Variants in PARP11 observed in about 807,000 individuals in gnomAD.
The protein encoded by PARP11 is protein mono-ADP-ribosyltransferase PARP11.
Under a neutral mutation model 42.9 loss-of-function variants are expected in PARP11, and 31 were observed. The observed-to-expected ratio is 0.72, with a 90% CI of 0.54 to 0.98. PARP11 has a LOEUF of 0.98. PARP11 is among the 50% of genes least tolerant of loss of function. The pLI, the probability that PARP11 is intolerant of heterozygous loss-of-function variation, is 0.00. For missense variants in PARP11, 365 were observed against 413.1 expected (o/e 0.88, Z 1.01); for synonymous variants, 137 against 127.3 (o/e 1.08, Z -0.51).
chr12:3,843,152 T>C (rs1473664634), intron 1 of PARP11, among the ~76,000 whole-genome samples: 1 of 152,228 alleles, frequency 6.6e-6, no homozygotes, highest in African/African-American at 2.4e-5. Flanking sequence ...ATGTTGTATA[T>C]AGTTCTTTTA....
intron 3 of PARP11, among the ~76,000 whole-genome samples, chr12:3,827,664 TA>T (rs899376268): frequency 8.1e-5 from 12 of 147,930 alleles, no homozygotes; most frequent in Admixed American, 2.0e-4. Context: ...TCTTGATAAT[TA>T]AAAAAAAAAG....
chr12:3,873,194 T>C lies in PARP11; in HGVS notation c.18+18A>G. 6.7e-7 allele frequency: 1 copy of C among 1,486,586 alleles called. No homozygotes were observed. The highest frequency in any genetic ancestry group is 9.1e-7 in the Non-Finnish European group (1 of 1,093,378). 92.1% of individuals were successfully genotyped at this position (1,486,586 alleles called of 1,614,324 possible). Reference sequence around the variant, plus strand: ...AACCCCGCCCCCTGGGCCCGCCCCGTCCCGCCCGGCTACTCACTGGATTCG... The same window carrying C: ...AACCCCGCCCCCTGGGCCCGCCCCGCCCCGCCCGGCTACTCACTGGATTCG... On this transcript the variant is annotated intron_variant, in intron 1 of 7. Coordinates refer to ENST00000228820, the MANE Select transcript of PARP11 (RefSeq NM_020367.6).
intron 1 of PARP11, chr12:3,832,100 A>T (rs3809254): frequency 1.0e-6 from 1 of 958,118 alleles, no homozygotes; most frequent in Non-Finnish European, 1.2e-6. Context: ...GTGCTCCGCT[A>T]TAAAACACCT....
intron 1 of PARP11, among the ~76,000 whole-genome samples, chr12:3,849,146 A>G (rs915685835): frequency 1.3e-5 from 2 of 152,130 alleles, no homozygotes; most frequent in African/African-American, 4.8e-5. Flanking sequence ...GCTTTTATAA[A>G]AAGACAAAGA....
At chr12:3,841,054 T>G (rs550504745) in intron 1 of PARP11, 1 of 1,594,504 alleles carries the variant, frequency 6.3e-7, no homozygotes, top group South Asian at 1.1e-5. Flanking sequence ...TGGACCTGAT[T>G]CTGCTGTATC....
chr12:3,822,468 G>A (rs978265820), intron 4 of PARP11, among the ~76,000 whole-genome samples: 13 of 145,494 alleles, frequency 8.9e-5, no homozygotes, highest in Admixed American at 1.4e-4. Flanking sequence ...GCGTGGGGGC[G>A]GGCGCCTGTA....
chr12:3,844,081 A>G (rs1303067553), intron 1 of PARP11, among the ~76,000 whole-genome samples: 1 of 152,216 alleles, frequency 6.6e-6, no homozygotes, highest in Non-Finnish European at 1.5e-5. Context: ...GGGCTCAGTG[A>G]ATCGCCACTG....
intron 6 of PARP11, among the ~76,000 whole-genome samples, chr12:3,820,215 T>C (rs531537829): frequency 1.5e-4 from 23 of 152,310 alleles, no homozygotes; most frequent in African/African-American, 5.3e-4. Context: ...ACATTTTTGT[T>C]AGAAGAAGTG....
At position 3,840,097 on chromosome 12, in the gene PARP11, G is replaced by A. The variant is rs1947855855; in HGVS notation, c.19-10079C>T. 9 of 1,609,290 alleles carry A rather than the reference G, an allele frequency of 5.6e-6. No homozygotes were observed. Among genetic ancestry groups the A allele is most frequent in the Admixed American group, 5.0e-5 (3 of 59,998 alleles). On this transcript the variant is annotated intron_variant, in intron 1 of 7. Coordinates refer to ENST00000228820, the MANE Select transcript of PARP11 (RefSeq NM_020367.6). This position sits in a 1 kb window ranked among gnomAD's most constrained non-coding sequence, Gnocchi z 4.4. ...AAATGTGGAATATGAAATTTGGCTG[G>A]AGTCTAAACAAGCTCAGCAAAAACG...
intron 1 of PARP11, among the ~76,000 whole-genome samples, chr12:3,862,224 G>A (rs912763398): frequency 2.0e-5 from 3 of 152,092 alleles, no homozygotes; most frequent in Non-Finnish European, 4.4e-5. Context: ...AGGAGTTTTA[G>A]ACTAGATCAC....
At chr12:3,828,864 A>G (rs1428649735) in intron 3 of PARP11, 46 bp downstream of exon 3, 5 of 1,548,930 alleles carry the variant, frequency 3.2e-6, no homozygotes, top group African/African-American at 1.4e-5. Flanking sequence ...AGATTTTATC[A>G]TATCAATATA....
intron 1 of PARP11, among the ~76,000 whole-genome samples, chr12:3,869,157 C>G (rs1256946630): frequency 6.6e-6 from 1 of 152,160 alleles, no homozygotes; most frequent in African/African-American, 2.4e-5. Context: ...TACTTTGGGG[C>G]CCCCCTGGAT....
chr12:3,832,092 G>C (rs1947653884), intron 1 of PARP11: 1 of 925,684 alleles, frequency 1.1e-6, no homozygotes, highest in Non-Finnish European at 1.3e-6. Flanking sequence ...TAACATGTGT[G>C]CTCCGCTATA....
chr12:3,861,433 G>GAACA lies in PARP11; in HGVS notation c.18+11775_18+11778dup, dbSNP rs1220303470. On this transcript the variant is annotated intron_variant, in intron 1 of 7. Coordinates refer to ENST00000228820, the MANE Select transcript of PARP11 (RefSeq NM_020367.6). The surrounding 1 kb of genome is among the most constrained non-coding windows in gnomAD (Gnocchi z 4.6). ...CATTTCCCTAAAGAATAATGATGTT[G>GAACA]AACATCTTTTCATGTTGTTATTTTC... 6.6e-6 allele frequency among the ~76,000 whole-genome samples: 1 copy of GAACA among 152,152 alleles called. No homozygotes were observed. Among genetic ancestry groups the GAACA allele is most frequent in the Non-Finnish European group, 1.5e-5 (1 of 68,012 alleles).
intron 1 of PARP11, among the ~76,000 whole-genome samples, chr12:3,863,500 CA>C (rs1948334403): frequency 6.6e-6 from 1 of 152,138 alleles, no homozygotes; most frequent in African/African-American, 2.4e-5. Context: ...CCCTTTGTGT[CA>C]GGGGTCCCTA....
At position 3,829,891 on chromosome 12, in the gene PARP11, T is replaced by A. The variant is rs772632316; in HGVS notation, c.146A>T (p.Gln49Leu). ...GCTAAATTAAAGGAAAGGAGGTACC[T>A]GAAACATGTGCCACTTCCCACATTC... is the stretch of plus-strand genomic sequence containing the variant. ...LAECGKWHMF[Q>L]PDTNSQCSVS... The change falls in exon 2 of 8, where the codon CAG (glutamine) becomes CTG (leucine). Residue 49 changes from glutamine to leucine, a missense_variant and splice_region_variant. Coordinates refer to ENST00000228820, the MANE Select transcript of PARP11 (RefSeq NM_020367.6). The A allele has an allele frequency of 1.9e-6, 3 of 1,613,884 alleles. No homozygotes were observed. The South Asian group carries it at 3.3e-5, about 18-fold the overall frequency.
At chr12:3,819,631 A>T (rs1947355082) in intron 6 of PARP11, among the ~76,000 whole-genome samples, 2 of 152,156 alleles carry the variant, frequency 1.3e-5, no homozygotes, top group Non-Finnish European at 2.9e-5. Flanking sequence ...TGCAGATCAG[A>T]TCCATCACTC....
Position 3,840,757 on chromosome 12 carries a change from G to A in PARP11, c.19-10739C>T, listed in dbSNP as rs149118556. 1.6e-5 allele frequency: 23 copies of A among 1,457,068 alleles called. No individual in the cohort carries two copies. The highest frequency in any genetic ancestry group is 9.1e-5 in the East Asian group (4 of 44,096). 90.3% of individuals were successfully genotyped at this position (1,457,068 alleles called of 1,614,324 possible). A position where few individuals can be genotyped will look rare whatever the true frequency, so the allele number is the denominator to read the frequency against. On this transcript the variant is annotated intron_variant, in intron 1 of 7. Coordinates refer to ENST00000228820, the MANE Select transcript of PARP11 (RefSeq NM_020367.6). This position sits in a 1 kb window ranked among gnomAD's most constrained non-coding sequence, Gnocchi z 4.4. The stretch of plus-strand genomic sequence containing the variant: ...ATGGACATAGTTGGATAAAAGACCC[G>A]AACCAAGCATATTGGAGAATATTAC...
chr12:3,872,660 C>A, intron 1 of PARP11: 1 of 985,302 alleles, frequency 1.0e-6, no homozygotes, highest in Non-Finnish European at 1.2e-6. Context: ...CTGATGGCTC[C>A]TCTTAGGCCC....
Sources: gnomAD v4.1 joint callset for allele counts (sites outside exome capture counted in the v4.1 genomes callset) on GRCh38, gnomAD v4.1.1 for gene constraint, Gnocchi (gnomAD v3.1) non-coding constraint, MANE v1.5 for transcripts, NCBI Gene and HGNC (gene_info 2026-07-23, HGNC 2026-07-21) for gene names.